Variants in NELFCD observed in about 807,000 individuals in gnomAD.
The protein encoded by NELFCD is negative elongation factor C/D.
In NELFCD, 48 loss-of-function variants were observed where a neutral mutation model predicts 72.9. The ratio of observed to expected loss-of-function variants is 0.66; its 90% confidence interval spans 0.52 to 0.84. NELFCD has a LOEUF of 0.84. Among genes scored for constraint, NELFCD ranks in the 40% least tolerant of loss-of-function variants. NELFCD has a pLI of 0.00. For missense variants in NELFCD, 538 were observed against 723.8 expected, an observed-to-expected ratio of 0.74 and a Z score of 2.94; for synonymous variants, 297 against 280.6, an observed-to-expected ratio of 1.06 and a Z score of -0.59.
rs2091812864 is a variant in NELFCD, at chr20:58,991,057, CCCT to C, written c.942_944del (p.Pro315del). 6.2e-7 allele frequency: 1 copy of C among 1,613,476 alleles called. No individual in the cohort carries two copies. ...TGTTCAAGATGTTCACAAGCATGGACCCTCCTCCGGTTGAACTTGTAAGTTGCT... is the reference window on the plus strand; with the variant it reads ...TGTTCAAGATGTTCACAAGCATGGACCCTCCGGTTGAACTTGTAAGTTGCT... On this transcript the variant is annotated inframe_deletion, in exon 8 of 15. Transcript: ENST00000652272.
At chr20:58,984,171 A>T (rs2146347886) in intron 1 of NELFCD, among the ~76,000 whole-genome samples, 2 of 152,274 alleles carry the variant, frequency 1.3e-5, no homozygotes, top group Middle Eastern at 3.4e-3. Context: ...AGAGCTGCAG[A>T]CATGCAAATA....
chr20:58,985,592 C>G (rs1052976252), intron 1 of NELFCD, among the ~76,000 whole-genome samples: 2 of 152,144 alleles, frequency 1.3e-5, no homozygotes, highest in African/African-American at 2.4e-5. Flanking sequence ...GTGGTCTTTA[C>G]TTTCTAATGG....
intron 14 of NELFCD, 73 bp from the exon 15 acceptor site, chr20:58,994,562 CAAAAAAA>C (rs374709307): frequency 3.4e-5 from 28 of 835,820 alleles, no homozygotes; most frequent in Non-Finnish European, 4.1e-5. Flanking sequence ...AACTGCATCT[CAAAAAAA>C]AAAAAAAAAA....
At chr20:58,990,204 T>C (rs892664548) in intron 7 of NELFCD, 5 of 547,316 alleles carry the variant, frequency 9.1e-6, no homozygotes, top group East Asian at 6.2e-5. Flanking sequence ...TGAGACCAGC[T>C]TGACCAACAT....
At chr20:58,994,375 C>T in intron 14 of NELFCD, 136 bp downstream of exon 14, 1 of 872,138 alleles carries the variant, frequency 1.1e-6, no homozygotes, top group East Asian at 2.6e-5. Context: ...ACCAGCCCGA[C>T]CAACATGGAG....
chr20:58,982,244 CCT>C (rs941113403), intron 1 of NELFCD, among the ~76,000 whole-genome samples: 1 of 147,484 alleles, frequency 6.8e-6, no homozygotes, highest in African/African-American at 2.5e-5. Flanking sequence ...GCAACGTCTG[CCT>C]CTCGGATTCA....
At position 58,989,538 on chromosome 20, in the gene NELFCD, A is replaced by T. The variant is rs371873766; in HGVS notation, c.555A>T (p.Ala185=). ...YQGEITSVST[A]CQQLEVFSRV... ...GGGAGATCACCAGTGTGTCCACAGC[A>T]TGCCAGCAGCTAGAAGTGTTCTCGA... The change falls in exon 6 of 15, where the codon GCA becomes GCT. Residue 185 remains alanine, a synonymous_variant. Coordinates refer to ENST00000652272, the MANE Select transcript of NELFCD (RefSeq NM_198976.4). 8.1e-6 allele frequency: 13 copies of T among 1,614,058 alleles called. No homozygotes were observed. The highest frequency in any genetic ancestry group is 1.3e-5 in the African/African-American group (1 of 74,910).
chr20:58,991,241 A>G (rs955957757), intron 8 of NELFCD, 71 bp from the exon 9 acceptor site: 7 of 1,602,774 alleles, frequency 4.4e-6, no homozygotes, highest in Non-Finnish European at 6.0e-6. Flanking sequence ...TGTGTAGGGA[A>G]CCCTGAGGGG....
rs1326610679 is a variant in NELFCD at position 58,994,704 on chromosome 20, G to C, written c.*28G>C. 6.3e-7 allele frequency: 1 copy of C among 1,584,784 alleles called. No individual in the cohort carries two copies. Among genetic ancestry groups the C allele is most frequent in the Admixed American group, 1.7e-5 (1 of 58,576 alleles). ...TAGAGCATCCTCCAGAGCTGAAGCA[G>C]AACATTCCAGAACCCGTTGTGGAAA... On this transcript the variant is annotated 3_prime_UTR_variant, in exon 15 of 15. Coordinates refer to ENST00000652272, the MANE Select transcript of NELFCD (RefSeq NM_198976.4).
At chr20:58,984,896 C>T (rs922441676) in intron 1 of NELFCD, among the ~76,000 whole-genome samples, 4 of 152,194 alleles carry the variant, frequency 2.6e-5, no homozygotes, top group African/African-American at 9.7e-5. Flanking sequence ...GAAGTCCGGC[C>T]TCTGTCATGC....
intron 1 of NELFCD, among the ~76,000 whole-genome samples, chr20:58,983,843 G>A (rs953581452): frequency 1.3e-5 from 2 of 152,180 alleles, no homozygotes; most frequent in Non-Finnish European, 2.9e-5. Flanking sequence ...TGTGCAGTCA[G>A]ACCTAGACCC....
intron 7 of NELFCD, 93 bp from the exon 8 acceptor site, chr20:58,990,817 G>A (rs2091810471): frequency 8.7e-7 from 1 of 1,148,280 alleles, no homozygotes; most frequent in Non-Finnish European, 1.2e-6. Flanking sequence ...CAGAAAAACA[G>A]ATCCCAACAA....
rs968950234 is a variant in NELFCD, at chr20:58,989,471, C to T, written c.505-17C>T. On this transcript the variant is annotated splice_polypyrimidine_tract_variant and intron_variant, in intron 5 of 14. Coordinates refer to ENST00000652272, the MANE Select transcript of NELFCD (RefSeq NM_198976.4). Reference sequence around the variant, plus strand: ...TCACTGCATGCCTCCCCTCTGACTTCTTGTTTTGTGTCCTAGCTTATTTCT... The same window carrying T: ...TCACTGCATGCCTCCCCTCTGACTTTTTGTTTTGTGTCCTAGCTTATTTCT... 1 of 1,611,610 alleles carries T rather than the reference C, an allele frequency of 6.2e-7. No individual in the cohort carries two copies. The highest frequency in any genetic ancestry group is 2.2e-5 in the East Asian group (1 of 44,822).
intron 7 of NELFCD, chr20:58,990,213 A>G: frequency 1.9e-6 from 1 of 522,500 alleles, no homozygotes; most frequent in Non-Finnish European, 3.4e-6. Context: ...CTTGACCAAC[A>G]TGGAGAAACC....
intron 1 of NELFCD, among the ~76,000 whole-genome samples, chr20:58,985,031 G>C (rs781168911): frequency 2.6e-5 from 4 of 152,346 alleles, no homozygotes; most frequent in Non-Finnish European, 4.4e-5. Flanking sequence ...TCCAGATCAG[G>C]AGTGAGCAAA....
Position 58,993,099 on chromosome 20 carries a change from C to T in NELFCD, c.1331C>T (p.Ala444Val), listed in dbSNP as rs371084351. 2.0e-5 allele frequency: 33 copies of T among 1,613,516 alleles called. No individual in the cohort carries two copies. Among genetic ancestry groups the T allele is most frequent in the African/African-American group, 5.3e-5 (4 of 74,874 alleles). ...ACTGACCATACCCCTGTCCACCTGG[C>T]GTTGCTGGATGAGGTAAGAGGGCGG... is the stretch of plus-strand genomic sequence containing the variant. ...LQTDHTPVHL[A>V]LLDEISTCHQ... The change falls in exon 11 of 15, where the codon GCG becomes GTG. Residue 444 changes from alanine (A) to valine (V), a missense_variant. Coordinates refer to ENST00000652272, the MANE Select transcript of NELFCD (RefSeq NM_198976.4). This position sits in a 1 kb window ranked among gnomAD's most constrained non-coding sequence, Gnocchi z 5.0.
Position 58,993,795 on chromosome 20 carries a change from A to C in NELFCD, c.1581+31A>C, listed in dbSNP as rs754614150. The C allele has an allele frequency of 4.3e-6, 7 of 1,611,250 alleles. No homozygotes were observed. Among genetic ancestry groups the C allele is most frequent in the Admixed American group, 3.3e-5 (2 of 59,974 alleles). ...CAATGCACCGTTGGTTTCATGTTTCATACTGTTTACACTAGCACTGCCCTT... is the reference window on the plus strand; with the variant it reads ...CAATGCACCGTTGGTTTCATGTTTCCTACTGTTTACACTAGCACTGCCCTT... On this transcript the variant is annotated intron_variant, in intron 13 of 14. Coordinates refer to ENST00000652272, the MANE Select transcript of NELFCD (RefSeq NM_198976.4). The surrounding 1 kb of genome is among the most constrained non-coding windows in gnomAD (Gnocchi z 5.0).
intron 10 of NELFCD, among the ~76,000 whole-genome samples, 183 bp downstream of exon 10, chr20:58,992,203 G>A (rs1264980636): frequency 6.6e-6 from 1 of 152,158 alleles, no homozygotes; most frequent in African/African-American, 2.4e-5. Flanking sequence ...ATTTTCAGAT[G>A]TTTATTTGCC....
At chr20:58,984,266 A>AG (rs1221448616) in intron 1 of NELFCD, among the ~76,000 whole-genome samples, 3 of 152,118 alleles carry the variant, frequency 2.0e-5, no homozygotes, top group Non-Finnish European at 4.4e-5. Context: ...CTCTTGCTAG[A>AG]GCTGGGGCGT....
Sources: allele counts gnomAD v4.1 joint callset (sites outside exome capture counted in the v4.1 genomes callset), GRCh38; gene constraint gnomAD v4.1.1; non-coding constraint Gnocchi (gnomAD v3.1); transcripts MANE v1.5; gene names NCBI Gene and HGNC (gene_info 2026-07-23, HGNC 2026-07-21).